Variants in ACTL6A observed in about 807,000 individuals in gnomAD.
ACTL6A encodes the protein actin like 6A.
ACTL6A carries 5 observed loss-of-function variants against 59.2 expected under a neutral mutation model. The observed-to-expected ratio is 0.08, with a 90% CI of 0.04 to 0.18. ACTL6A has a LOEUF of 0.18. Among genes scored for constraint, ACTL6A ranks in the 10% least tolerant of loss-of-function variants. The pLI is 1.00. For missense variants in ACTL6A, 285 were observed against 526.9 expected, an observed-to-expected ratio of 0.54 and a Z score of 4.49; for synonymous variants, 154 against 171.8, an observed-to-expected ratio of 0.90 and a Z score of 0.81.
intron 12 of ACTL6A, among the ~76,000 whole-genome samples, chr3:179,585,536 G>GA (rs1435297656): frequency 6.6e-6 from 1 of 152,032 alleles, no homozygotes; most frequent in African/African-American, 2.4e-5. Flanking sequence ...GAAAGAACAG[G>GA]AAAAAAATTC....
chr3:179,573,383 A>T lies in ACTL6A; in HGVS notation c.292A>T (p.Ser98Cys), dbSNP rs747527582. 31 of 1,583,764 alleles carry T rather than the reference A, an allele frequency of 2.0e-5. No homozygotes were observed. The highest frequency in any genetic ancestry group is 2.7e-5 in the Non-Finnish European group (31 of 1,168,876). ...LKNGMVEDWD[S>C]FQAILDHTYK... ...TTATATTCTAGTTGAAGACTGGGAT[A>T]GTTTCCAAGCTATTTTGGATCATAC... is the stretch of plus-strand genomic sequence containing the variant. Residue 98 changes from serine (S) to cysteine (C), a missense_variant, in exon 4 of 14, where the codon AGT becomes TGT. Transcript: ENST00000429709.
intron 12 of ACTL6A, among the ~76,000 whole-genome samples, chr3:179,585,783 A>C (rs1040756969): frequency 6.6e-6 from 1 of 150,626 alleles, no homozygotes; most frequent in Non-Finnish European, 1.5e-5. Context: ...CTCTTCATAT[A>C]GGAAGTGAGA....
chr3:179,586,895 A>G (rs544716654), intron 13 of ACTL6A, among the ~76,000 whole-genome samples: 3 of 152,328 alleles, frequency 2.0e-5, no homozygotes, highest in Non-Finnish European at 4.4e-5. Context: ...GCCTTTTCTA[A>G]TAATACCCCC....
At chr3:179,569,963 GA>G in intron 2 of ACTL6A, 63 bp downstream of exon 2, 1 of 1,580,854 alleles carries the variant, frequency 6.3e-7, no homozygotes, top group Non-Finnish European at 8.6e-7. Flanking sequence ...AATTTATGCA[GA>G]AATTCTGATT....
intron 5 of ACTL6A, chr3:179,574,738 A>G (rs762399704): frequency 1.1e-5 from 3 of 283,414 alleles, no homozygotes; most frequent in Non-Finnish European, 2.0e-5. Flanking sequence ...ATAGAAGGCA[A>G]TGTTTTAACC....
At chr3:179,577,659 GTC>G (rs1289868207) in intron 8 of ACTL6A, among the ~76,000 whole-genome samples, 1 of 152,036 alleles carries the variant, frequency 6.6e-6, no homozygotes, top group Non-Finnish European at 1.5e-5. Flanking sequence ...AGGTCCAACT[GTC>G]TGTTGTTCCC....
intron 8 of ACTL6A, among the ~76,000 whole-genome samples, 175 bp downstream of exon 8, chr3:179,577,088 G>T (rs1422136409): frequency 6.6e-6 from 1 of 151,946 alleles, no homozygotes; most frequent in East Asian, 1.9e-4. Context: ...CATGATCTCA[G>T]GGTCACACTC....
Position 179,583,482 on chromosome 3 carries a change from A to G in ACTL6A, c.1122+34A>G, listed in dbSNP as rs764202283. 4.6e-6 allele frequency: 7 copies of G among 1,524,552 alleles called. No homozygotes were observed. The South Asian group carries it at 8.0e-5, about 18-fold the overall frequency. 94.4% of individuals were successfully genotyped at this position (1,524,552 alleles called of 1,614,324 possible). A position where few individuals can be genotyped will look rare whatever the true frequency, so the allele number is the denominator to read the frequency against. ...TGTTTGTTCTTTAATGGTATTCTTC[A>G]GTCATATATTTCCTCACTGATGGTG... On this transcript the variant is annotated intron_variant, in intron 12 of 13. Coordinates refer to ENST00000429709, the MANE Select transcript of ACTL6A (RefSeq NM_004301.5).
At position 179,576,831 on chromosome 3, in the gene ACTL6A, T is replaced by A. The variant is rs1174838766; in HGVS notation, c.686T>A (p.Val229Asp). The A allele has an allele frequency of 3.1e-6, 5 of 1,613,898 alleles. No homozygotes were observed. The highest frequency in any genetic ancestry group is 1.3e-5 in the African/African-American group (1 of 74,912). Residue 229 changes from valine (V) to aspartate (D), a missense_variant, in exon 8 of 14, where the codon GTT becomes GAT. Coordinates refer to ENST00000429709, the MANE Select transcript of ACTL6A (RefSeq NM_004301.5). ...PPYMIASKEA[V>D]REGSPANWKR... ...ATCTCTTGGTACTCTCAGGAAGCTGTTCGTGAAGGATCTCCAGCAAACTGG... is the reference window on the plus strand; with the variant it reads ...ATCTCTTGGTACTCTCAGGAAGCTGATCGTGAAGGATCTCCAGCAAACTGG...
intron 13 of ACTL6A, 103 bp downstream of exon 13, chr3:179,586,735 A>G (rs1440289281): frequency 1.9e-5 from 18 of 966,626 alleles, no homozygotes; most frequent in East Asian, 8.7e-5. Context: ...TGTGCATTTT[A>G]TAACTGTCAA....
At chr3:179,563,933 C>G (rs1029711072) in intron 1 of ACTL6A, among the ~76,000 whole-genome samples, 1 of 152,110 alleles carries the variant, frequency 6.6e-6, no homozygotes, top group Admixed American at 6.6e-5. Context: ...GCGCTTTGGT[C>G]TTGGGCAGTT....
chr3:179,577,951 A>C (rs1252303666), intron 8 of ACTL6A, among the ~76,000 whole-genome samples: 3 of 152,104 alleles, frequency 2.0e-5, no homozygotes, highest in Non-Finnish European at 4.4e-5. Context: ...GTGTACATAC[A>C]CATACATGTG....
At chr3:179,585,723 T>C (rs79378271) in intron 12 of ACTL6A, among the ~76,000 whole-genome samples, 4,488 of 152,036 alleles carry the variant, frequency 0.03, 148 homozygotes, top group East Asian at 0.12. Context: ...TGTCAACAAC[T>C]TGAGAACTGT....
Position 179,575,094 on chromosome 3 carries a change from C to T in ACTL6A, c.476+627C>T, listed in dbSNP as rs941640629. ...CTGGACTCAAGCGATATGCTTGCCT[C>T]AGTCTCCCAAAGTGCTGGGATTACA... On this transcript the variant is annotated intron_variant, in intron 5 of 13. Coordinates refer to ENST00000429709, the MANE Select transcript of ACTL6A (RefSeq NM_004301.5). 12 of 246,602 alleles carry T rather than the reference C, an allele frequency of 4.9e-5. No individual in the cohort carries two copies. In the East Asian group the frequency reaches 1.3e-3, roughly 28 times the overall value. The allele number at this position is 246,602 out of a possible 1,614,324, so 15.3% of individuals were successfully genotyped here.
chr3:179,574,499 G>C (rs745407255), intron 5 of ACTL6A, 32 bp downstream of exon 5: 2 of 1,376,512 alleles, frequency 1.5e-6, no homozygotes, highest in East Asian at 4.6e-5. Flanking sequence ...CTTTCCTCTT[G>C]AAGTATGTAC....
chr3:179,580,767 T>C, intron 9 of ACTL6A, 66 bp downstream of exon 9: 1 of 1,399,298 alleles, frequency 7.1e-7, no homozygotes, highest in Non-Finnish European at 9.8e-7. Flanking sequence ...AAATACTTAA[T>C]TGAATAATGT....
At chr3:179,575,564 C>A in intron 5 of ACTL6A, 1 of 391,162 alleles carries the variant, frequency 2.6e-6, no homozygotes, top group Admixed American at 3.3e-5. Flanking sequence ...TAGTAGACAC[C>A]TAATAGATGC....
At chr3:179,573,068 C>T (rs1001045528) in intron 3 of ACTL6A, among the ~76,000 whole-genome samples, 9 of 151,074 alleles carry the variant, frequency 6.0e-5, no homozygotes, top group African/African-American at 1.9e-4. Flanking sequence ...ATTCTGATCA[C>T]ATTCTGGGCC....
At chr3:179,567,550 G>T (rs1157894093) in intron 1 of ACTL6A, among the ~76,000 whole-genome samples, 1 of 152,156 alleles carries the variant, frequency 6.6e-6, no homozygotes, top group African/African-American at 2.4e-5. Context: ...CAGGGCAAAA[G>T]ATAAATCCTT....
Sources: gnomAD v4.1 joint callset for allele counts (sites outside exome capture counted in the v4.1 genomes callset) on GRCh38, gnomAD v4.1.1 for gene constraint, MANE v1.5 for transcripts, NCBI Gene and HGNC (gene_info 2026-07-23, HGNC 2026-07-21) for gene names.